Variants in LMO1 observed in about 807,000 individuals in gnomAD.
The protein encoded by LMO1 is rhombotin-1.
In LMO1, 10 loss-of-function variants were observed where a neutral mutation model predicts 18.0. That is an observed-to-expected ratio of 0.55 (90% CI 0.34 to 0.94). LMO1 has a LOEUF of 0.94. Ranked by LOEUF, LMO1 falls within the 40% of genes least tolerant of loss-of-function variation. The probability of loss-of-function intolerance (pLI) is 0.02; values close to 1 mark genes in which losing one functional copy is unlikely to be tolerated. For synonymous variants in LMO1, 77 were observed against 77.9 expected, an observed-to-expected ratio of 0.99 and a Z score of 0.06; for missense variants, 183 against 205.7, an observed-to-expected ratio of 0.89 and a Z score of 0.68.
At chr11:8,227,962 C>A (rs1283342272) in intron 2 of LMO1, among the ~76,000 whole-genome samples, 1 of 152,242 alleles carries the variant, frequency 6.6e-6, no homozygotes, top group African/African-American at 2.4e-5. Context: ...AGCCACTGTG[C>A]CTTGCCAAAA....
chr11:8,225,851 C>T (rs529275016), intron 3 of LMO1, among the ~76,000 whole-genome samples: 1 of 152,352 alleles, frequency 6.6e-6, no homozygotes, highest in African/African-American at 2.4e-5. Context: ...CTGAACCTCA[C>T]TTCAGGGAGC....
At chr11:8,257,450 G>C (rs971424764) in intron 1 of LMO1, among the ~76,000 whole-genome samples, 2 of 152,238 alleles carry the variant, frequency 1.3e-5, no homozygotes, top group Admixed American at 6.5e-5. Context: ...CTTCTGGGCT[G>C]TCAGTAGGCT....
chr11:8,225,803 A>G (rs981154413), intron 3 of LMO1, among the ~76,000 whole-genome samples: 14 of 152,214 alleles, frequency 9.2e-5, no homozygotes, highest in African/African-American at 3.1e-4. Flanking sequence ...AGGTCCGGCC[A>G]GAGCCCCCAG....
At chr11:8,250,353 T>G (rs1846968109) in intron 1 of LMO1, among the ~76,000 whole-genome samples, 1 of 152,266 alleles carries the variant, frequency 6.6e-6, no homozygotes, top group African/African-American at 2.4e-5. Flanking sequence ...TTCAACCAAT[T>G]TTAATTTCTT....
At position 8,263,357 on chromosome 11, in the gene LMO1, C is replaced by G; in HGVS notation, c.6G>C (p.Met2Ile). The G allele has an allele frequency of 1.2e-6, 2 of 1,605,168 alleles. No individual in the cohort carries two copies. Among genetic ancestry groups the G allele is most frequent in the Non-Finnish European group, 1.7e-6 (2 of 1,178,768 alleles). Residue 2 changes from methionine to isoleucine, a missense_variant, in exon 1 of 4, where the codon ATG becomes ATC. By Grantham distance (10) the Met-to-Ile change is conservative (BLOSUM62 1). Transcript: ENST00000335790. M[M>I]VLDKEDGVPM... ...ACCTACCGTCCTCCTTGTCCAGCAC[C>G]ATCATCTCGGGCGCTCCGTGTCCAG...
chr11:8,256,072 G>A lies in LMO1; in HGVS notation c.25+7266C>T, dbSNP rs544508862. 2.4e-3 allele frequency among the ~76,000 whole-genome samples: 362 copies of A among 152,208 alleles called. 2 individuals carry two copies. The highest frequency in any genetic ancestry group is 3.4e-3 in the Middle Eastern group (1 of 294). ...AATCTCCTGACCTCGTGATCCTCCC[G>A]CCTCGGCCTCCCAAAGTGCTGGGAT... On this transcript the variant is annotated intron_variant, in intron 1 of 3. Coordinates refer to ENST00000335790, the MANE Select transcript of LMO1 (RefSeq NM_002315.3).
At chr11:8,228,072 A>G (rs1952580473) in intron 2 of LMO1, among the ~76,000 whole-genome samples, 1 of 152,258 alleles carries the variant, frequency 6.6e-6, no homozygotes, top group Non-Finnish European at 1.5e-5. Flanking sequence ...ATCCTTCTGT[A>G]AAATAGGGAT....
At chr11:8,267,089 G>A (rs890233288), upstream of LMO1, among the ~76,000 whole-genome samples, 1 of 152,178 alleles carries the variant, frequency 6.6e-6, no homozygotes, top group African/African-American at 2.4e-5. Context: ...TTCCTCTTTT[G>A]GTTTCTGGAG....
chr11:8,241,176 T>C (rs1846784943), intron 1 of LMO1, among the ~76,000 whole-genome samples: 2 of 152,084 alleles, frequency 1.3e-5, no homozygotes, highest in Admixed American at 6.6e-5. Flanking sequence ...ACTTCCTCCC[T>C]CCCACACTAT....
intron 1 of LMO1, among the ~76,000 whole-genome samples, chr11:8,237,241 C>A (rs1350574480): frequency 6.6e-6 from 1 of 152,072 alleles, no homozygotes; most frequent in Non-Finnish European, 1.5e-5. Context: ...CACACCCAGG[C>A]CCGGGAACTG....
intron 2 of LMO1, among the ~76,000 whole-genome samples, chr11:8,228,715 G>T (rs1952596438): frequency 6.6e-6 from 1 of 151,950 alleles, no homozygotes; most frequent in South Asian, 2.1e-4. Context: ...ATGCTTGAGG[G>T]TGCTTTTTCC....
intron 3 of LMO1, 97 bp from the exon 4 acceptor site, chr11:8,224,818 A>C: frequency 2.6e-6 from 2 of 759,592 alleles, no homozygotes; most frequent in Non-Finnish European, 4.5e-6. Context: ...GAGGTGAGCT[A>C]TGTGGGAGGT....
Position 8,263,324 on chromosome 11 carries a change from G to A in LMO1, c.25+14C>T. On this transcript the variant is annotated intron_variant, in intron 1 of 3. Coordinates refer to ENST00000335790, the MANE Select transcript of LMO1 (RefSeq NM_002315.3). ...AGGGGGTGAGGGGCGTCGAGACCCC[G>A]GCCCGCCACCTACCGTCCTCCTTGT... 6.3e-7 allele frequency: 1 copy of A among 1,597,772 alleles called. No individual in the cohort carries two copies. Among genetic ancestry groups the A allele is most frequent in the Non-Finnish European group, 8.5e-7 (1 of 1,177,048 alleles).
chr11:8,226,997 C>A lies in LMO1; in HGVS notation c.343G>T (p.Ala115Ser). 1 of 1,611,956 alleles carries A rather than the reference C, an allele frequency of 6.2e-7. No individual in the cohort carries two copies. Among genetic ancestry groups the A allele is most frequent in the South Asian group, 1.1e-5 (1 of 90,944 alleles). ...GACCTCTGGTTGCAGAGCTGGCAGG[C>A]GAAGCAGTCGAGGTGATACACGTTG... ...RDNVYHLDCF[A>S]CQLCNQRFCV... is the part of the protein sequence containing the mutation. The change falls in exon 3 of 4, where the codon GCC (alanine) becomes TCC (serine). Residue 115 changes from alanine to serine, a missense_variant. Ala to Ser is a moderately conservative substitution (Grantham distance 99). Coordinates refer to ENST00000335790, the MANE Select transcript of LMO1 (RefSeq NM_002315.3).
At chr11:8,232,679 C>T (rs940784098) in intron 1 of LMO1, among the ~76,000 whole-genome samples, 5 of 152,190 alleles carry the variant, frequency 3.3e-5, no homozygotes, top group Admixed American at 6.5e-5. Context: ...TTGCAGCAGG[C>T]CTGGCTCCCT....
At chr11:8,232,648 G>A (rs145178910) in intron 1 of LMO1, among the ~76,000 whole-genome samples, 5 of 152,286 alleles carry the variant, frequency 3.3e-5, no homozygotes, top group East Asian at 1.9e-4. Flanking sequence ...CAAGGCTCAC[G>A]TTCCTTTTGC....
At chr11:8,234,104 C>T (rs990727167) in intron 1 of LMO1, among the ~76,000 whole-genome samples, 9 of 152,190 alleles carry the variant, frequency 5.9e-5, no homozygotes, top group Non-Finnish European at 1.0e-4. Context: ...ACCCCTAAGT[C>T]TCAGGATGTG....
rs1847224793 is a variant in LMO1, at chr11:8,263,443, CG to C, written c.-82del. On this transcript the variant is annotated 5_prime_UTR_variant, in exon 1 of 4. Transcript: ENST00000335790. ...TCGGGGCGCGCTTTGGAGGGGCGGC[CG>C]GTCTTCGGGCAGCTAGCGGGCTCTA... 1 of 1,575,130 alleles carries C rather than the reference CG, an allele frequency of 6.3e-7. No homozygotes were observed. Among genetic ancestry groups the C allele is most frequent in the Non-Finnish European group, 8.6e-7 (1 of 1,167,998 alleles).
intron 2 of LMO1, among the ~76,000 whole-genome samples, chr11:8,229,437 C>T (rs6578943): frequency 0.021 from 3,181 of 152,288 alleles, 99 homozygotes; most frequent in African/African-American, 0.071. Flanking sequence ...TTAATTAATG[C>T]GATGAGCCCT....
Sources: gnomAD v4.1 joint callset for allele counts (sites outside exome capture counted in the v4.1 genomes callset) on GRCh38, gnomAD v4.1.1 for gene constraint, MANE v1.5 for transcripts, NCBI Gene and HGNC (gene_info 2026-07-23, HGNC 2026-07-21) for gene names.